The following GTF2IRD1 variants were observed in gnomAD, a reference collection of about 807,000 sequenced individuals.
GTF2IRD1 encodes GTF2I repeat domain containing 1, also known as general transcription factor II-I repeat domain-containing protein 1.
In GTF2IRD1, 26 loss-of-function variants were observed where a neutral mutation model predicts 113.2. The ratio of observed to expected loss-of-function variants is 0.23; its 90% CI spans 0.17 to 0.32. The LOEUF (loss-of-function observed/expected upper bound fraction) is 0.32. Among genes scored for constraint, GTF2IRD1 ranks in the 10% least tolerant of loss-of-function variants. The pLI, the probability that GTF2IRD1 is intolerant of heterozygous loss-of-function variation, is 1.00. For synonymous variants in GTF2IRD1, 484 were observed against 529.1 expected, an observed-to-expected ratio of 0.91 and a Z score of 1.17; for missense variants, 864 against 1,280.8, an observed-to-expected ratio of 0.67 and a Z score of 4.97.
chr7:74,538,708 G>A lies in GTF2IRD1; in HGVS notation c.1476G>A (p.Arg492=). 3 of 1,608,648 alleles carry A rather than the reference G, an allele frequency of 1.9e-6. No homozygotes were observed. The highest frequency in any genetic ancestry group is 2.6e-6 in the Non-Finnish European group (3 of 1,174,968). The change falls in exon 13 of 27, where the codon AGG becomes AGA. Residue 492 remains arginine, a synonymous_variant. Transcript: ENST00000424337. ...CCTCCGGGGAGCTGGGCGGGCTGAGGCCGATCAAAATTGAGCCAGAGGATC... is the reference window on the plus strand; with the variant it reads ...CCTCCGGGGAGCTGGGCGGGCTGAGACCGATCAAAATTGAGCCAGAGGATC... ...PGTSGELGGL[R]PIKIEPEDLD... is the part of the protein sequence containing the mutation.
intron 2 of GTF2IRD1, among the ~76,000 whole-genome samples, chr7:74,510,501 G>T (rs1796563683): frequency 6.6e-6 from 1 of 151,224 alleles, no homozygotes; most frequent in Non-Finnish European, 1.5e-5. Context: ...TAGAGACGGG[G>T]TTTCACCATG....
At chr7:74,470,727 C>T (rs1307622390) in intron 1 of GTF2IRD1, among the ~76,000 whole-genome samples, 2 of 152,116 alleles carry the variant, frequency 1.3e-5, no homozygotes, top group Admixed American at 6.6e-5. Context: ...CACACCACCA[C>T]GGGGAAACCT....
chr7:74,496,446 AGT>A (rs1229547459), intron 1 of GTF2IRD1, among the ~76,000 whole-genome samples: 3 of 116,718 alleles, frequency 2.6e-5, no homozygotes, highest in Non-Finnish European at 5.2e-5. Context: ...TATGCATTTG[AGT>A]GTGGGTGTGC....
intron 17 of GTF2IRD1, among the ~76,000 whole-genome samples, chr7:74,549,704 G>A (rs1583859898): frequency 6.6e-6 from 1 of 151,544 alleles, no homozygotes; most frequent in South Asian, 2.1e-4. Context: ...TTGGGAGGCT[G>A]AGGTGGGCAG....
Position 74,547,231 on chromosome 7 carries a change from G to A in GTF2IRD1, c.1861G>A (p.Ala621Thr), listed in dbSNP as rs368196506. The change falls in exon 17 of 27, where the codon GCC becomes ACC. Residue 621 changes from alanine (A) to threonine (T), a missense_variant. Coordinates refer to ENST00000424337, the MANE Select transcript of GTF2IRD1 (RefSeq NM_005685.4). ...CCGCAGGCCCAACTGCTTCGGGATC[G>A]CCAAGCTCCGGAAGATTCTGGAGGC... ...SLRRPNCFGI[A>T]KLRKILEASN... is the part of the protein sequence containing the mutation. The A allele has an allele frequency of 5.6e-6, 9 of 1,613,100 alleles. No individual in the cohort carries two copies. The highest frequency in any genetic ancestry group is 5.3e-5 in the African/African-American group (4 of 74,890).
At position 74,544,754 on chromosome 7, in the gene GTF2IRD1, G is replaced by A. The variant is rs1210575476; in HGVS notation, c.1619-1G>A. 6.2e-7 allele frequency: 1 copy of A among 1,613,674 alleles called. No individual in the cohort carries two copies. The highest frequency in any genetic ancestry group is 8.5e-7 in the Non-Finnish European group (1 of 1,179,878). On this transcript the variant is annotated splice_acceptor_variant, in intron 14 of 26. Coordinates refer to ENST00000424337, the MANE Select transcript of GTF2IRD1 (RefSeq NM_005685.4). LOFTEE classifies it high-confidence loss of function. Reference sequence around the variant, plus strand: ...TCCCGGCATCCTCTGTTCTCTTTTAGACAAAGGTCTGAGTGAGGACGCGCG... The same window carrying A: ...TCCCGGCATCCTCTGTTCTCTTTTAAACAAAGGTCTGAGTGAGGACGCGCG...
rs1466522432 is a variant in GTF2IRD1 at position 74,456,987 on chromosome 7, CT to C, written c.-7+2819del. ...CCTTTATATCCCCATGATGTCCTCT[CT>C]TTTTTTTCTTTTTTTCTTTTTTTGA... is the stretch of plus-strand genomic sequence containing the variant. On this transcript the variant is annotated intron_variant, in intron 1 of 26. Coordinates refer to ENST00000424337, the MANE Select transcript of GTF2IRD1 (RefSeq NM_005685.4). Among the ~76,000 whole-genome samples the C allele has an allele frequency of 4.0e-5, 6 of 151,834 alleles. No individual in the cohort carries two copies. The East Asian group carries it at 1.2e-3, about 29-fold the overall frequency.
chr7:74,547,794 A>T (rs1411618761), intron 17 of GTF2IRD1, among the ~76,000 whole-genome samples: 2 of 121,812 alleles, frequency 1.6e-5, no homozygotes, highest in Non-Finnish European at 3.2e-5. Flanking sequence ...AAGGTGTTAG[A>T]TGGGGTTTGG....
At position 74,457,104 on chromosome 7, in the gene GTF2IRD1, C is replaced by T. The variant is rs546469741; in HGVS notation, c.-7+2928C>T. Among the ~76,000 whole-genome samples the T allele has an allele frequency of 1.1e-4, 16 of 152,158 alleles. 1 individual carries two copies. In the South Asian group the frequency reaches 3.3e-3, roughly 32 times the overall value. ...CTCCTGGACTCAAGCCACCCTCCCA[C>T]CCCAGCCTCACAAGTAGCTGGGACC... On this transcript the variant is annotated intron_variant, in intron 1 of 26. Coordinates refer to ENST00000424337, the MANE Select transcript of GTF2IRD1 (RefSeq NM_005685.4).
chr7:74,565,123 G>A (rs1800217369), intron 22 of GTF2IRD1, among the ~76,000 whole-genome samples: 1 of 152,194 alleles, frequency 6.6e-6, no homozygotes, highest in South Asian at 2.1e-4. Flanking sequence ...GCCCGCAAGG[G>A]GCTGAGACAA....
intron 1 of GTF2IRD1, among the ~76,000 whole-genome samples, chr7:74,502,372 G>C (rs1448633257): frequency 1.3e-5 from 2 of 152,214 alleles, no homozygotes; most frequent in Non-Finnish European, 2.9e-5. Context: ...CAGCTAGTGG[G>C]AACAACCTGT....
intron 22 of GTF2IRD1, chr7:74,571,164 G>A (rs1418767245): frequency 9.3e-6 from 9 of 972,142 alleles, no homozygotes; most frequent in South Asian, 4.8e-5. Context: ...CCAACTTCCT[G>A]TGTGACTCCA....
chr7:74,546,062 C>T (rs1359228024), intron 16 of GTF2IRD1, among the ~76,000 whole-genome samples: 1 of 151,996 alleles, frequency 6.6e-6, no homozygotes, highest in Non-Finnish European at 1.5e-5. Flanking sequence ...GCCACTCCCT[C>T]CCCTGTAATG....
chr7:74,517,210 G>A (rs1374400313), intron 4 of GTF2IRD1, among the ~76,000 whole-genome samples: 1 of 151,724 alleles, frequency 6.6e-6, no homozygotes, highest in African/African-American at 2.4e-5. Context: ...TTTTAGTAGA[G>A]ACGGGGTTTC....
intron 1 of GTF2IRD1, among the ~76,000 whole-genome samples, chr7:74,486,309 C>A (rs1448145846): frequency 6.6e-6 from 1 of 152,174 alleles, no homozygotes; most frequent in Non-Finnish European, 1.5e-5. Flanking sequence ...TCTCGTGTAA[C>A]AGGAGGCATG....
intron 5 of GTF2IRD1, among the ~76,000 whole-genome samples, chr7:74,518,844 C>T (rs1377890209): frequency 2.6e-5 from 4 of 152,006 alleles, no homozygotes; most frequent in East Asian, 1.9e-4. Flanking sequence ...GCTGTGATTG[C>T]GTCACTGCAC....
chr7:74,534,962 C>T (rs989800189), intron 9 of GTF2IRD1, 151 bp from the exon 10 acceptor site: 6 of 692,040 alleles, frequency 8.7e-6, no homozygotes, highest in Middle Eastern at 3.3e-4. Flanking sequence ...CATGCCCTCT[C>T]CTGCCTGCAT....
intron 22 of GTF2IRD1, among the ~76,000 whole-genome samples, chr7:74,569,642 C>T (rs1408492684): frequency 6.6e-6 from 1 of 152,196 alleles, no homozygotes; most frequent in Non-Finnish European, 1.5e-5. Flanking sequence ...CATATTTCCA[C>T]CCACCAAGGG....
At chr7:74,465,981 G>A (rs1044238310) in intron 1 of GTF2IRD1, among the ~76,000 whole-genome samples, 16 of 152,200 alleles carry the variant, frequency 1.1e-4, no homozygotes, top group Non-Finnish European at 1.5e-4. Context: ...ATGTTGCCCA[G>A]GCTGGTCTTG....
Sources: allele counts gnomAD v4.1 joint callset (sites outside exome capture counted in the v4.1 genomes callset), GRCh38; gene constraint gnomAD v4.1.1; transcripts MANE v1.5; gene names NCBI Gene and HGNC (gene_info 2026-07-23, HGNC 2026-07-21).